THRB: variants seen among roughly 807,000 people sequenced by gnomAD.
THRB encodes the protein nuclear receptor subfamily 1 group A member 2.
A neutral mutation model predicts 47.8 loss-of-function variants in THRB; 12 were observed. The ratio of observed to expected loss-of-function variants is 0.25; its 90% CI spans 0.16 to 0.41. The LOEUF is 0.41. Ranked by LOEUF, THRB falls within the 10% of genes least tolerant of loss-of-function variation. THRB has a pLI of 1.00. For missense variants in THRB, 348 were observed against 589.2 expected, an observed-to-expected ratio of 0.59 and a Z score of 4.24; for synonymous variants, 218 against 212.2, an observed-to-expected ratio of 1.03 and a Z score of -0.24.
chr3:24,166,093 T>C (rs1271167522), intron 5 of THRB, among the ~76,000 whole-genome samples: 1 of 152,190 alleles, frequency 6.6e-6, no homozygotes, highest in Non-Finnish European at 1.5e-5. Context: ...TTTTAAAACA[T>C]GCCAAGGAAG....
At chr3:24,368,964 C>G (rs2064704318) in intron 1 of THRB, among the ~76,000 whole-genome samples, 2 of 152,124 alleles carry the variant, frequency 1.3e-5, no homozygotes, top group South Asian at 2.1e-4. Flanking sequence ...TCATATATTA[C>G]TTGTTGCACA....
At position 24,372,393 on chromosome 3, in the gene THRB, T is replaced by C. The variant is rs1322940287; in HGVS notation, c.-260-35022A>G. On this transcript the variant is annotated intron_variant, in intron 1 of 10. Transcript: ENST00000646209. ...ATGCCATGAAATTAAGTATTTATGA[T>C]GTTAATTTAAACACATATCTATCAC... 2.0e-5 allele frequency among the ~76,000 whole-genome samples: 3 copies of C among 152,236 alleles called. No individual in the cohort carries two copies. In the South Asian group the frequency reaches 6.2e-4, roughly 32 times the overall value.
rs1355080048 is a variant in THRB, at chr3:24,189,895, C to T, written c.283+179G>A. The stretch of plus-strand genomic sequence containing the variant: ...ACAAGCTGCCTTTCTTTGGATTCCA[C>T]TTATTTATTTATGTTTAAAAGAATA... On this transcript the variant is annotated intron_variant, in intron 5 of 10. Transcript: ENST00000646209. 4.7e-6 allele frequency: 3 copies of T among 640,090 alleles called. No individual in the cohort carries two copies. In the Admixed American group the frequency reaches 8.6e-5, roughly 18 times the overall value. The allele number at this position is 640,090 out of a possible 1,614,324, so 39.7% of individuals were successfully genotyped here.
chr3:24,284,916 A>G (rs1410378418), intron 3 of THRB, among the ~76,000 whole-genome samples: 1 of 152,204 alleles, frequency 6.6e-6, no homozygotes, highest in Non-Finnish European at 1.5e-5. Context: ...GGCAATCATT[A>G]AAAAGTCAGG....
intron 2 of THRB, among the ~76,000 whole-genome samples, chr3:24,327,247 A>G (rs1444308603): frequency 3.3e-5 from 5 of 151,866 alleles, no homozygotes; most frequent in Non-Finnish European, 7.4e-5. Context: ...ATCCAAGTAA[A>G]TGCTCAGGGA....
At chr3:24,446,552 A>G (rs1235347677) in intron 1 of THRB, among the ~76,000 whole-genome samples, 1 of 116,232 alleles carries the variant, frequency 8.6e-6, no homozygotes, top group East Asian at 2.2e-4. Flanking sequence ...CATTGGAAAG[A>G]TCTTTCTCAA....
At chr3:24,206,075 A>T (rs557856856) in intron 4 of THRB, among the ~76,000 whole-genome samples, 1 of 152,342 alleles carries the variant, frequency 6.6e-6, no homozygotes, top group East Asian at 1.9e-4. Flanking sequence ...CCCCACCGTC[A>T]ACATTAGACA....
intron 1 of THRB, among the ~76,000 whole-genome samples, chr3:24,479,454 G>A (rs1238734690): frequency 6.6e-6 from 1 of 152,224 alleles, no homozygotes; most frequent in South Asian, 2.1e-4. Flanking sequence ...GGGCATGGTA[G>A]AGACAAGAAC....
chr3:24,210,481 AGTGT>A (rs984565940), intron 4 of THRB, among the ~76,000 whole-genome samples: 8 of 150,614 alleles, frequency 5.3e-5, no homozygotes, highest in Non-Finnish European at 7.4e-5. Flanking sequence ...CACAACTTGG[AGTGT>A]GTGTGTTACT....
At chr3:24,284,825 G>GAA (rs1274183968) in intron 3 of THRB, among the ~76,000 whole-genome samples, 2 of 151,982 alleles carry the variant, frequency 1.3e-5, no homozygotes, top group Admixed American at 1.3e-4. Context: ...AAAAACACAT[G>GAA]AAAAAATGCT....
chr3:24,126,484 ATT>A (rs1422262620), intron 10 of THRB, among the ~76,000 whole-genome samples: 1 of 152,232 alleles, frequency 6.6e-6, no homozygotes, highest in Non-Finnish European at 1.5e-5. Context: ...ATATTCAGCC[ATT>A]TATCCAATAA....
At chr3:24,361,493 G>A (rs142280844) in intron 1 of THRB, among the ~76,000 whole-genome samples, 117 of 152,244 alleles carry the variant, frequency 7.7e-4, no homozygotes, top group Non-Finnish European at 1.3e-3. Flanking sequence ...AGAGGGGGCA[G>A]GAGGCATTTG....
In THRB at chr3:24,323,268, G is replaced by C. The variant is rs549011583; in HGVS notation, c.-189+14032C>G. On this transcript the variant is annotated intron_variant, in intron 2 of 10. Transcript: ENST00000646209. ...ATCCTGTTGTCTCTTTACTTTCTGG[G>C]AGCAGCATTTCTGCCCTTTAAAATG... is the stretch of plus-strand genomic sequence containing the variant. Among the ~76,000 whole-genome samples, 18 of 151,810 alleles carry C rather than the reference G, an allele frequency of 1.2e-4. No homozygotes were observed. In the South Asian group the frequency reaches 1.7e-3, roughly 14 times the overall value.
chr3:24,464,555 G>A (rs144911976), intron 1 of THRB, among the ~76,000 whole-genome samples: 7 of 152,186 alleles, frequency 4.6e-5, no homozygotes, highest in East Asian at 1.9e-4. Context: ...CCTGGATTAC[G>A]GGTTTTATGC....
intron 5 of THRB, among the ~76,000 whole-genome samples, chr3:24,182,094 G>A (rs1348918065): frequency 1.3e-5 from 2 of 152,230 alleles, no homozygotes; most frequent in East Asian, 1.9e-4. Context: ...CCAGATACTC[G>A]GGAGGCTGAG....
intron 3 of THRB, among the ~76,000 whole-genome samples, chr3:24,236,523 G>A (rs891422286): frequency 6.6e-6 from 1 of 152,040 alleles, no homozygotes; most frequent in Non-Finnish European, 1.5e-5. Flanking sequence ...AGGCATGGGG[G>A]AACTGAAACT....
chr3:24,353,824 T>C (rs1006509003), intron 1 of THRB, among the ~76,000 whole-genome samples: 1 of 152,154 alleles, frequency 6.6e-6, no homozygotes, highest in African/African-American at 2.4e-5. Context: ...ATAAAGCACA[T>C]ATGCATAGCA....
In THRB at chr3:24,481,229, G is replaced by GTTTT. The variant is rs746323691; in HGVS notation, c.-261+13419_-261+13422dup. ...TATATGTGTGGATGCGTTTCTTTCT[G>GTTTT]TTTTTTTTTTTTTTTTTTTTTTTTT... On this transcript the variant is annotated intron_variant, in intron 1 of 10. Coordinates refer to ENST00000646209, the MANE Select transcript of THRB (RefSeq NM_001354712.2). Among the ~76,000 whole-genome samples the GTTTT allele has an allele frequency of 7.4e-3, 408 of 55,358 alleles. 34 individuals are homozygous for GTTTT. Among genetic ancestry groups the GTTTT allele is most frequent in the African/African-American group, 0.025 (327 of 13,066 alleles). The allele number at this position is 55,358 out of a possible 152,430, so 36.3% of individuals were successfully genotyped here.
intron 5 of THRB, among the ~76,000 whole-genome samples, chr3:24,174,943 C>T (rs886648559): frequency 1.3e-5 from 2 of 152,186 alleles, no homozygotes; most frequent in South Asian, 2.1e-4. Flanking sequence ...TGGTATGTCT[C>T]TGTTTTGCTG....
Sources: allele counts gnomAD v4.1 joint callset (sites outside exome capture counted in the v4.1 genomes callset), GRCh38; gene constraint gnomAD v4.1.1; transcripts MANE v1.5; gene names NCBI Gene and HGNC (gene_info 2026-07-23, HGNC 2026-07-21).